LOC114841035: variants seen among roughly 807,000 people sequenced by gnomAD.
chr11:64,243,352 TG>T, the LOC114841035 span: 2 of 1,597,700 alleles, frequency 1.3e-6, no homozygotes, highest in Non-Finnish European at 1.7e-6. Flanking sequence ...GGGGCGTGCA[TG>T]GCCACCGCCC....
the LOC114841035 span, chr11:64,243,068 A>G: frequency 3.9e-6 from 3 of 776,234 alleles, no homozygotes; most frequent in East Asian, 2.6e-5. Context: ...ACTCCATCTC[A>G]AAAAACAAAA....
the LOC114841035 span, chr11:64,242,402 G>C: frequency 1.9e-6 from 3 of 1,544,310 alleles, no homozygotes; most frequent in Non-Finnish European, 2.6e-6. Flanking sequence ...GGCTGAGCTG[G>C]TTCCGGGTCC....
the LOC114841035 span, chr11:64,243,115 G>T: frequency 3.2e-6 from 4 of 1,253,134 alleles, no homozygotes; most frequent in Admixed American, 6.8e-5. Flanking sequence ...GGCGTGGGGG[G>T]GCAGCTTGAT....
chr11:64,242,455 CG>C, the LOC114841035 span: 1 of 1,547,612 alleles, frequency 6.5e-7, no homozygotes, highest in Non-Finnish European at 8.7e-7. Flanking sequence ...GCCACGGCCA[CG>C]GGGGCCGAGG....
the LOC114841035 span, chr11:64,243,309 G>A: frequency 6.9e-6 from 11 of 1,602,830 alleles, no homozygotes; most frequent in East Asian, 2.2e-4. Flanking sequence ...AGGGGCTGCT[G>A]GGGTGAGTCA....
the LOC114841035 span, chr11:64,242,462 C>G: frequency 6.5e-7 from 1 of 1,547,298 alleles, no homozygotes; most frequent in South Asian, 1.2e-5. Context: ...CCACGGGGGC[C>G]GAGGGCAAAA....
the LOC114841035 span, chr11:64,243,843 T>A: frequency 6.2e-7 from 1 of 1,614,048 alleles, no homozygotes. Context: ...TTCAACAGGG[T>A]ATGGAGAGCG....
chr11:64,243,755 G>A, the LOC114841035 span: 1 of 1,564,960 alleles, frequency 6.4e-7, no homozygotes, highest in Non-Finnish European at 8.8e-7. Flanking sequence ...TGGCCTTCTT[G>A]CTGAGAGGGG....
the LOC114841035 span, chr11:64,241,820 G>A: frequency 1.3e-5 from 2 of 152,894 alleles, no homozygotes; most frequent in African/African-American, 4.8e-5. Context: ...ACCCCCAAGG[G>A]CTCAGAGTTG....
chr11:64,244,091 AAC>A, the LOC114841035 span: 1 of 1,560,200 alleles, frequency 6.4e-7, no homozygotes, highest in Non-Finnish European at 8.7e-7. Context: ...CCAAAAAAAA[AAC>A]AAAAAACAAA....
the LOC114841035 span, chr11:64,243,212 A>C: frequency 6.2e-7 from 1 of 1,613,672 alleles, no homozygotes; most frequent in Non-Finnish European, 8.5e-7. Context: ...AAGCTGGAAG[A>C]TGGGACAGAG....
the LOC114841035 span, chr11:64,242,363 G>T: frequency 4.7e-6 from 7 of 1,476,892 alleles, no homozygotes; most frequent in Non-Finnish European, 6.3e-6. Context: ...TCAGTCGGTC[G>T]GTCGGGGTCT....
At chr11:64,242,455 C>T in the LOC114841035 span, 3 of 1,547,616 alleles carry the variant, frequency 1.9e-6, no homozygotes, top group Non-Finnish European at 1.7e-6. Flanking sequence ...GCCACGGCCA[C>T]GGGGGCCGAG....
the LOC114841035 span, chr11:64,242,255 G>T: frequency 3.2e-6 from 3 of 945,326 alleles, no homozygotes; most frequent in Admixed American, 3.9e-5. Context: ...GCGGTGACCC[G>T]GGACAAAGGG....
chr11:64,243,129 G>GA, the LOC114841035 span: 1 of 1,420,232 alleles, frequency 7.0e-7, no homozygotes. Context: ...GCTTGATGGG[G>GA]AAAGCAGCTG....
the LOC114841035 span, among the ~76,000 whole-genome samples, chr11:64,241,433 G>T: frequency 6.6e-6 from 1 of 151,982 alleles, no homozygotes; most frequent in Non-Finnish European, 1.5e-5. Flanking sequence ...GGGGGACGGA[G>T]CCTGGCTCTT....
the LOC114841035 span, among the ~76,000 whole-genome samples, chr11:64,242,874 G>A: frequency 6.6e-6 from 1 of 152,212 alleles, no homozygotes; most frequent in South Asian, 2.1e-4. Context: ...TCAGGAATTT[G>A]AGACCAGTTT....
At chr11:64,243,702 C>A in the LOC114841035 span, 1 of 1,293,912 alleles carries the variant, frequency 7.7e-7, no homozygotes, top group African/African-American at 1.5e-5. Flanking sequence ...CCTTGCCAGG[C>A]CTTTGGCACC....
chr11:64,241,362 C>T, the LOC114841035 span: 1 of 152,256 alleles, frequency 6.6e-6, no homozygotes, highest in East Asian at 1.9e-4. Context: ...ACGGGTGGGA[C>T]CTCCGAGCTG....
Sources: gnomAD v4.1 joint callset for allele counts (sites outside exome capture counted in the v4.1 genomes callset) on GRCh38, gnomAD v4.1.1 for gene constraint, MANE v1.5 for transcripts.